The following TMEM169 variants were observed in gnomAD, a reference collection of about 807,000 sequenced individuals.
TMEM169 encodes the protein transmembrane protein 169.
A neutral mutation model predicts 27.3 loss-of-function variants in TMEM169; 18 were observed. That is an observed-to-expected ratio of 0.66 (90% CI 0.46 to 0.98). The LOEUF (loss-of-function observed/expected upper bound fraction) is 0.98. Ranked by LOEUF, TMEM169 falls within the 50% of genes least tolerant of loss-of-function variation. The pLI is 0.00. For synonymous variants in TMEM169, 136 were observed against 142.1 expected, an observed-to-expected ratio of 0.96 and a Z score of 0.30; for missense variants, 320 against 368.6, an observed-to-expected ratio of 0.87 and a Z score of 1.08.
chr2:216,094,876 T>C (rs1351270072), intron 1 of TMEM169, among the ~76,000 whole-genome samples: 1 of 152,332 alleles, frequency 6.6e-6, no homozygotes, highest in East Asian at 1.9e-4. Context: ...TCCACCGCTC[T>C]TGCAGCACGT....
At chr2:216,090,137 G>C (rs1054583475) in intron 1 of TMEM169, among the ~76,000 whole-genome samples, 6 of 152,146 alleles carry the variant, frequency 3.9e-5, no homozygotes, top group Non-Finnish European at 8.8e-5. Context: ...AGAAAAGCTT[G>C]GTTGGAGAAA....
At chr2:216,095,289 T>C (rs1457840593) in intron 1 of TMEM169, among the ~76,000 whole-genome samples, 1 of 151,878 alleles carries the variant, frequency 6.6e-6, no homozygotes, top group Non-Finnish European at 1.5e-5. Flanking sequence ...GGTTTTGCCA[T>C]GTTGGCCAGG....
intron 1 of TMEM169, among the ~76,000 whole-genome samples, chr2:216,095,519 TG>T (rs1696243806): frequency 6.6e-6 from 1 of 152,190 alleles, no homozygotes; most frequent in Non-Finnish European, 1.5e-5. Context: ...TAACTACTTA[TG>T]TATATAAAAT....
At chr2:216,097,936 C>G (rs1271051033) in intron 2 of TMEM169, among the ~76,000 whole-genome samples, 1 of 152,012 alleles carries the variant, frequency 6.6e-6, no homozygotes, top group Admixed American at 6.6e-5. Context: ...AGTTCTAGGG[C>G]AGAGTTTTTG....
rs6729423 is a variant in TMEM169 at position 216,095,747 on chromosome 2, G to A, written c.-126-91G>A. On this transcript the variant is annotated intron_variant, in intron 1 of 2. Transcript: ENST00000437356. ...ATTGCAAGAAGTAAAGGGAGAGGAA[G>A]GCTTCTGCTAAGTTGAGGATCGTTT... The A allele has an allele frequency of 2.5e-3, 1,227 of 500,614 alleles. 14 individuals carry two copies. Among genetic ancestry groups the A allele is most frequent in the African/African-American group, 0.022 (1,128 of 52,254 alleles). The allele number at this position is 500,614 out of a possible 1,614,324, so 31.0% of individuals were successfully genotyped here.
At position 216,101,421 on chromosome 2, in the gene TMEM169, TG is replaced by T. The variant is rs1456438951; in HGVS notation, c.*882del. The stretch of plus-strand genomic sequence containing the variant: ...GGTAGCTATATTCTCAGCTAAATAC[TG>T]GGTTCACGCTAATTGGCAAGAAAAA... On this transcript the variant is annotated 3_prime_UTR_variant, in exon 3 of 3. Coordinates refer to ENST00000437356, the MANE Select transcript of TMEM169 (RefSeq NM_001142311.2). 6 of 152,264 alleles carry T rather than the reference TG, an allele frequency of 3.9e-5. No homozygotes were observed. Among genetic ancestry groups the T allele is most frequent in the Non-Finnish European group, 7.3e-5 (5 of 68,056 alleles). 9.4% of individuals were successfully genotyped at this position (152,264 alleles called of 1,614,324 possible). A position where few individuals can be genotyped will look rare whatever the true frequency, so the allele number is the denominator to read the frequency against.
intron 1 of TMEM169, among the ~76,000 whole-genome samples, chr2:216,085,747 T>A (rs1202270765): frequency 1.3e-5 from 2 of 152,056 alleles, no homozygotes; most frequent in African/African-American, 2.4e-5. Context: ...TGTGCATGCC[T>A]GTAATCCCAG....
intron 1 of TMEM169, among the ~76,000 whole-genome samples, chr2:216,095,342 C>A (rs1696239932): frequency 6.6e-6 from 1 of 151,964 alleles, no homozygotes; most frequent in South Asian, 2.1e-4. Context: ...CCCGCCTCGG[C>A]CTCTCAAAGT....
rs1559228058 is a variant in TMEM169, at chr2:216,095,915, T to A, written c.-49T>A. 1.3e-6 allele frequency: 2 copies of A among 1,564,380 alleles called. No individual in the cohort carries two copies. Among genetic ancestry groups the A allele is most frequent in the South Asian group, 2.4e-5 (2 of 84,158 alleles). On this transcript the variant is annotated 5_prime_UTR_variant, in exon 2 of 3. Coordinates refer to ENST00000437356, the MANE Select transcript of TMEM169 (RefSeq NM_001142311.2). ...TGTGATGTGTGAACTGTGAGTTTAC[T>A]CAAACAAGTCCAACTCTTTATAAGA...
chr2:216,088,171 A>T (rs917555408), intron 1 of TMEM169, among the ~76,000 whole-genome samples: 2 of 148,680 alleles, frequency 1.3e-5, no homozygotes, highest in Admixed American at 1.3e-4. Flanking sequence ...AAAAAAAAAA[A>T]CAAACAGGCC....
At chr2:216,087,478 G>A (rs1222556490) in intron 1 of TMEM169, among the ~76,000 whole-genome samples, 4 of 152,148 alleles carry the variant, frequency 2.6e-5, no homozygotes, top group African/African-American at 9.7e-5. Context: ...AGGACTTAGA[G>A]ACTAATTATT....
At chr2:216,096,483 G>C (rs1696267301) in intron 2 of TMEM169, among the ~76,000 whole-genome samples, 1 of 152,200 alleles carries the variant, frequency 6.6e-6, no homozygotes, top group South Asian at 2.1e-4. Flanking sequence ...TCCTGCCTCA[G>C]CCTCCTGAGT....
In TMEM169 at chr2:216,099,815, TA is replaced by T; in HGVS notation, c.272-99del. The T allele has an allele frequency of 6.8e-7, 1 of 1,466,692 alleles. No homozygotes were observed. Among genetic ancestry groups the T allele is most frequent in the Non-Finnish European group, 9.2e-7 (1 of 1,091,706 alleles). 90.9% of individuals were successfully genotyped at this position (1,466,692 alleles called of 1,614,324 possible). A position where few individuals can be genotyped will look rare whatever the true frequency, so the allele number is the denominator to read the frequency against. On this transcript the variant is annotated intron_variant, in intron 2 of 2. Coordinates refer to ENST00000437356, the MANE Select transcript of TMEM169 (RefSeq NM_001142311.2). This position sits in a 1 kb window ranked among gnomAD's most constrained non-coding sequence, Gnocchi z 5.0. ...TGACTCAGGACTGTGCCAGATGGTG[TA>T]AAAAAGGCTACTCTTGTCCTCATGC...
At chr2:216,091,945 T>C (rs828922) in intron 1 of TMEM169, among the ~76,000 whole-genome samples, 34,909 of 152,102 alleles carry the variant, frequency 0.23, 4,950 homozygotes, top group Non-Finnish European at 0.32. Context: ...GAGGAAATCA[T>C]GTTTCAAGGT....
chr2:216,092,031 G>A (rs1312125552), intron 1 of TMEM169, among the ~76,000 whole-genome samples: 3 of 152,154 alleles, frequency 2.0e-5, no homozygotes, highest in African/African-American at 4.8e-5. Flanking sequence ...AATGAGCTGT[G>A]CCTGAAGCAA....
chr2:216,098,749 G>A (rs935107053), intron 2 of TMEM169, among the ~76,000 whole-genome samples: 7 of 150,204 alleles, frequency 4.7e-5, no homozygotes, highest in Non-Finnish European at 8.9e-5. Context: ...TGTGGTGTGC[G>A]GTGTGGGTGT....
chr2:216,095,705 C>A, intron 1 of TMEM169, 133 bp from the exon 2 acceptor site: 1 of 415,766 alleles, frequency 2.4e-6, no homozygotes, highest in Non-Finnish European at 4.3e-6. Context: ...ATTTAGATTG[C>A]ATTCCCAAAA....
chr2:216,092,239 A>G (rs527689541), intron 1 of TMEM169, among the ~76,000 whole-genome samples: 108 of 151,892 alleles, frequency 7.1e-4, no homozygotes, highest in African/African-American at 2.5e-3. Context: ...CTTAGCTACT[A>G]TTTTCTGTAC....
chr2:216,096,759 T>A (rs962759914), intron 2 of TMEM169, among the ~76,000 whole-genome samples: 7 of 152,220 alleles, frequency 4.6e-5, no homozygotes, highest in Non-Finnish European at 4.4e-5. Context: ...CCTTTCAGAA[T>A]TCCTAATGAA....
Sources: allele counts gnomAD v4.1 joint callset (sites outside exome capture counted in the v4.1 genomes callset), GRCh38; gene constraint gnomAD v4.1.1; non-coding constraint Gnocchi (gnomAD v3.1); transcripts MANE v1.5; gene names NCBI Gene and HGNC (gene_info 2026-07-23, HGNC 2026-07-21).